YBEY: variants seen among roughly 807,000 people sequenced by gnomAD.
The protein encoded by YBEY is ybeY metalloendoribonuclease, also known as endoribonuclease YbeY.
A neutral mutation model predicts 13.5 loss-of-function variants in YBEY; 15 were observed. The observed-to-expected ratio is 1.11, with a 90% CI of 0.75 to 1.72. The LOEUF (loss-of-function observed/expected upper bound fraction) is 1.72. Among genes scored for constraint, YBEY ranks in the 40% most tolerant of loss-of-function variants. The probability of loss-of-function intolerance (pLI) is 0.00; values close to 1 mark genes in which losing one functional copy is unlikely to be tolerated. For synonymous variants in YBEY, 101 were observed against 83.1 expected (o/e 1.21, Z -1.17); for missense variants, 244 against 208.4 (o/e 1.17, Z -1.05).
intron 2 of YBEY, among the ~76,000 whole-genome samples, chr21:46,288,340 T>C (rs2839198): frequency 0.81 from 123,581 of 152,216 alleles, 50,710 homozygotes; most frequent in African/African-American, 0.9. Context: ...TTCAAACACA[T>C]GTATCCTTTA....
In YBEY at chr21:46,291,564, G is replaced by A. The variant is rs965141815; in HGVS notation, c.339+102G>A. 3.7e-4 allele frequency: 578 copies of A among 1,543,498 alleles called. 1 individual carries two copies. Among genetic ancestry groups the A allele is most frequent in the African/African-American group, 2.9e-4 (21 of 71,984 alleles). ...GCATCCATGTGTGTCCGTGGGTACCGTAAGGGCTACTGGGGGAAGAACCTG... is the reference window on the plus strand; with the variant it reads ...GCATCCATGTGTGTCCGTGGGTACCATAAGGGCTACTGGGGGAAGAACCTG... On this transcript the variant is annotated intron_variant, in intron 3 of 4. Transcript: ENST00000397701.
At chr21:46,308,196 C>T in the YBEY span, among the ~76,000 whole-genome samples, 18 of 152,192 alleles carry the variant, frequency 1.2e-4, no homozygotes, top group East Asian at 2.5e-3. Flanking sequence ...GGCGCGGTGG[C>T]TCACGCCCAT....
At chr21:46,298,279 C>A (rs2082014920), downstream of YBEY, among the ~76,000 whole-genome samples, 1 of 152,146 alleles carries the variant, frequency 6.6e-6, no homozygotes, top group South Asian at 2.1e-4. Flanking sequence ...TTAGCCTGGA[C>A]TTGTCCCCTT....
chr21:46,291,551 G>T (rs2081712967), intron 3 of YBEY, 89 bp downstream of exon 3: 12 of 1,568,292 alleles, frequency 7.7e-6, no homozygotes, highest in African/African-American at 1.4e-5. Context: ...ATCCATGTGT[G>T]TCCGTGGGTA....
At chr21:46,287,521 T>C (rs1268653886) in intron 2 of YBEY, among the ~76,000 whole-genome samples, 1 of 152,222 alleles carries the variant, frequency 6.6e-6, no homozygotes, top group Non-Finnish European at 1.5e-5. Flanking sequence ...GTATTAATTA[T>C]ATTATAGGCT....
intron 2 of YBEY, among the ~76,000 whole-genome samples, chr21:46,288,322 C>G (rs1601571389): frequency 6.6e-6 from 1 of 152,210 alleles, no homozygotes; most frequent in Admixed American, 6.5e-5. Context: ...GGGAAAGCAA[C>G]TTGGCATTTC....
the YBEY span, among the ~76,000 whole-genome samples, chr21:46,307,136 T>C: frequency 6.6e-6 from 1 of 151,794 alleles, no homozygotes; most frequent in African/African-American, 2.4e-5. Context: ...CCTCAGGTGA[T>C]CCAGCCTCTT....
At chr21:46,297,858 G>A (rs1006619959), downstream of YBEY, 14 of 1,063,892 alleles carry the variant, frequency 1.3e-5, no homozygotes, top group Admixed American at 4.4e-5. Context: ...CGGGAGCACC[G>A]CGCAGCGCTC....
At chr21:46,304,622 A>G in the YBEY span, among the ~76,000 whole-genome samples, 1 of 152,228 alleles carries the variant, frequency 6.6e-6, no homozygotes, top group African/African-American at 2.4e-5. Context: ...GAAAATGCCA[A>G]GTGTTGGTGA....
downstream of YBEY, chr21:46,302,104 C>G: frequency 6.6e-7 from 1 of 1,525,758 alleles, no homozygotes; most frequent in Non-Finnish European, 8.8e-7. Context: ...GCACGGCAGG[C>G]AGCCTTGGCC....
At chr21:46,306,424 A>G in the YBEY span, among the ~76,000 whole-genome samples, 2 of 151,870 alleles carry the variant, frequency 1.3e-5, no homozygotes, top group Admixed American at 1.3e-4. Context: ...GCTTCAACCT[A>G]GGAGGCGGAG....
chr21:46,305,792 A>G, the YBEY span, among the ~76,000 whole-genome samples: 1 of 151,964 alleles, frequency 6.6e-6, no homozygotes, highest in Non-Finnish European at 1.5e-5. Context: ...ACAAAAAAAA[A>G]TTAGCCGGGC....
chr21:46,300,594 GT>G, downstream of YBEY: 1 of 1,144,014 alleles, frequency 8.7e-7, no homozygotes, highest in Non-Finnish European at 1.1e-6. Flanking sequence ...AGAAGTGAGT[GT>G]TACTGCCAGT....
At position 46,295,393 on chromosome 21, in the gene YBEY, C is replaced by G. The variant is rs537880371; in HGVS notation, c.340-769C>G. 1.3e-4 allele frequency among the ~76,000 whole-genome samples: 20 copies of G among 152,152 alleles called. No homozygotes were observed. The East Asian group carries it at 3.9e-3, about 29-fold the overall frequency. On this transcript the variant is annotated intron_variant, in intron 3 of 4. Transcript: ENST00000397701. Reference sequence around the variant, plus strand: ...CCCAGACCTCCCTCTTCCCTCCACCCAAACCCCAGGGGAGTGCTACCCCTA... The same window carrying G: ...CCCAGACCTCCCTCTTCCCTCCACCGAAACCCCAGGGGAGTGCTACCCCTA...
At chr21:46,301,967 G>A (rs1190703967), downstream of YBEY, 4 of 1,485,348 alleles carry the variant, frequency 2.7e-6, no homozygotes, top group Non-Finnish European at 3.6e-6. Context: ...GGGGGTGGAG[G>A]GTGCCCCGGC....
At chr21:46,303,726 TA>T in the YBEY span, among the ~76,000 whole-genome samples, 1 of 25,814 alleles carries the variant, frequency 3.9e-5, no homozygotes, top group African/African-American at 1.8e-4. Context: ...TATATATATA[TA>T]TATATATATA....
At chr21:46,297,222 C>T (rs2081980164) in intron 4 of YBEY, among the ~76,000 whole-genome samples, 1 of 152,110 alleles carries the variant, frequency 6.6e-6, no homozygotes, top group Admixed American at 6.5e-5. Context: ...TCGCTTGAAC[C>T]CGGGAGGTGG....
At chr21:46,292,257 G>A (rs59613587) in intron 3 of YBEY, 17,998 of 152,246 alleles carry the variant, frequency 0.12, 1,230 homozygotes, top group African/African-American at 0.16. Context: ...CACAAATCTC[G>A]TGACCTCTGG....
At chr21:46,295,620 C>T (rs1365729146) in intron 3 of YBEY, among the ~76,000 whole-genome samples, 2 of 152,092 alleles carry the variant, frequency 1.3e-5, no homozygotes, top group Admixed American at 6.5e-5. Flanking sequence ...AGCTGCACCT[C>T]CCTCCGCCTC....
Sources: gnomAD v4.1 joint callset for allele counts (sites outside exome capture counted in the v4.1 genomes callset) on GRCh38, gnomAD v4.1.1 for gene constraint, MANE v1.5 for transcripts, NCBI Gene and HGNC (gene_info 2026-07-23, HGNC 2026-07-21) for gene names.